The following SYCE1L variants were observed in gnomAD, a reference collection of about 807,000 sequenced individuals.
SYCE1L encodes synaptonemal complex central element protein 1 like, also known as synaptonemal complex central element protein 1-like.
Under a neutral mutation model 39.6 loss-of-function variants are expected in SYCE1L, and 51 were observed. That is an observed-to-expected ratio of 1.29 (90% CI 1.03 to 1.63). The LOEUF (loss-of-function observed/expected upper bound fraction) is 1.63. Ranked by LOEUF, SYCE1L falls within the 40% of genes most tolerant of loss-of-function variation. The pLI is 0.00. For missense variants in SYCE1L, 426 were observed against 304.9 expected (o/e 1.40, Z -2.96); for synonymous variants, 147 against 122.4 (o/e 1.20, Z -1.33).
chr16:77,199,756 C>T (rs1300748756), intron 1 of SYCE1L: 3 of 434,012 alleles, frequency 6.9e-6, no homozygotes, highest in African/African-American at 6.1e-5. Flanking sequence ...TGAAAGTAAA[C>T]AACATGTAGT....
chr16:77,212,001 T>A lies in SYCE1L; in HGVS notation c.424-129T>A, dbSNP rs1350001343. The A allele has an allele frequency of 2.8e-6, 3 of 1,074,970 alleles. No individual in the cohort carries two copies. The East Asian group carries it at 8.3e-5, about 30-fold the overall frequency. The allele number at this position is 1,074,970 out of a possible 1,614,324, so 66.6% of individuals were successfully genotyped here. A position where few individuals can be genotyped will look rare whatever the true frequency, so the allele number is the denominator to read the frequency against. On this transcript the variant is annotated intron_variant, in intron 7 of 10. Transcript: ENST00000378644. Reference sequence around the variant, plus strand: ...GCCACAGCAGGAACTGCACATTGAGTTAATAAATAGTTGAATGAATGAATG... The same window carrying A: ...GCCACAGCAGGAACTGCACATTGAGATAATAAATAGTTGAATGAATGAATG...
chr16:77,200,353 G>A (rs1163316281), intron 1 of SYCE1L: 2 of 150,196 alleles, frequency 1.3e-5, no homozygotes, highest in Non-Finnish European at 3.0e-5. Context: ...TCAGGAAGCT[G>A]AGGCAGGAGA....
intron 3 of SYCE1L, 57 bp from the exon 4 acceptor site, chr16:77,208,408 A>G: frequency 6.5e-7 from 1 of 1,548,950 alleles, no homozygotes. Context: ...TATTTGCGAG[A>G]GAACAGCAAG....
At chr16:77,208,074 G>A (rs1242580355) in intron 2 of SYCE1L, 136 bp from the exon 3 acceptor site, 1 of 847,028 alleles carries the variant, frequency 1.2e-6, no homozygotes, top group Non-Finnish European at 1.8e-6. Context: ...AAGGGGCTCT[G>A]GCAGAGCTCA....
chr16:77,202,870 T>C (rs2054756425), intron 1 of SYCE1L, among the ~76,000 whole-genome samples: 1 of 126,224 alleles, frequency 7.9e-6, no homozygotes, highest in African/African-American at 2.5e-5. Flanking sequence ...TTAATCATAA[T>C]ATCCTCTCTA....
chr16:77,201,614 A>G (rs1245978674), intron 1 of SYCE1L: 2 of 152,186 alleles, frequency 1.3e-5, no homozygotes, highest in East Asian at 3.9e-4. Flanking sequence ...ATGTAATCAA[A>G]GGAGAATACG....
intron 7 of SYCE1L, 25 bp downstream of exon 7, chr16:77,211,301 C>T: frequency 6.4e-7 from 1 of 1,551,788 alleles, no homozygotes. Flanking sequence ...TTGCCTGCAA[C>T]CAAAGCCACT....
intron 4 of SYCE1L, among the ~76,000 whole-genome samples, chr16:77,208,748 C>T (rs1008936202): frequency 2.0e-5 from 3 of 152,186 alleles, no homozygotes; most frequent in Non-Finnish European, 2.9e-5. Flanking sequence ...AATAGAATCC[C>T]GCCCTCTCTT....
intron 6 of SYCE1L, 24 bp downstream of exon 6, chr16:77,209,495 T>G (rs757471146): frequency 2.4e-5 from 38 of 1,551,498 alleles, no homozygotes; most frequent in Non-Finnish European, 3.3e-5. Flanking sequence ...CCTCAGCTCT[T>G]CCCTACCTCA....
At chr16:77,202,011 G>C (rs187150885) in intron 1 of SYCE1L, 1 of 152,140 alleles carries the variant, frequency 6.6e-6, no homozygotes, top group Non-Finnish European at 1.5e-5. Context: ...TTTGGATTTT[G>C]GGAGTAGTGC....
At chr16:77,205,651 C>T (rs936571076) in intron 1 of SYCE1L, among the ~76,000 whole-genome samples, 10 of 152,044 alleles carry the variant, frequency 6.6e-5, no homozygotes, top group Non-Finnish European at 1.5e-4. Context: ...TGATGTTGAG[C>T]ACATCCCCAG....
intron 6 of SYCE1L, among the ~76,000 whole-genome samples, chr16:77,210,705 G>C (rs896799658): frequency 5.9e-5 from 9 of 152,116 alleles, no homozygotes; most frequent in African/African-American, 1.7e-4. Flanking sequence ...TTCTTGGGAA[G>C]GCAGAGTTCA....
intron 5 of SYCE1L, 124 bp from the exon 6 acceptor site, chr16:77,209,293 T>G: frequency 1.5e-6 from 2 of 1,351,510 alleles, no homozygotes; most frequent in Non-Finnish European, 2.1e-6. Flanking sequence ...CTACATCACT[T>G]GGAGTAAACA....
chr16:77,206,367 G>T, intron 1 of SYCE1L, 74 bp from the exon 2 acceptor site: 1 of 1,382,756 alleles, frequency 7.2e-7, no homozygotes, highest in South Asian at 1.3e-5. Flanking sequence ...AGAGCCCACT[G>T]GGACTTCCTG....
In SYCE1L at chr16:77,206,512, C is replaced by G. The variant is rs1567425843; in HGVS notation, c.121+12C>G. ...AAAGCTGCAGAAAGGTCATGTGTCT[C>G]TTTGTTTCTGAGCCTCAGCCTGGGG... is the stretch of plus-strand genomic sequence containing the variant. On this transcript the variant is annotated intron_variant, in intron 2 of 10. Coordinates refer to ENST00000378644, the MANE Select transcript of SYCE1L (RefSeq NM_001129979.3). 5.2e-6 allele frequency: 8 copies of G among 1,551,686 alleles called. No homozygotes were observed. Among genetic ancestry groups the G allele is most frequent in the Non-Finnish European group, 7.0e-6 (8 of 1,146,948 alleles).
chr16:77,208,669 C>T (rs931298336), intron 4 of SYCE1L, 130 bp downstream of exon 4: 1 of 881,598 alleles, frequency 1.1e-6, no homozygotes, highest in African/African-American at 1.7e-5. Flanking sequence ...CTTTCACTGT[C>T]TCATGTCATC....
At chr16:77,208,320 G>A in intron 3 of SYCE1L, 51 bp downstream of exon 3, 1 of 1,546,782 alleles carries the variant, frequency 6.5e-7, no homozygotes, top group Non-Finnish European at 8.7e-7. Flanking sequence ...GAAGTGACTG[G>A]ATTTATAATG....
chr16:77,202,065 C>A (rs1359647015), intron 1 of SYCE1L: 1 of 151,894 alleles, frequency 6.6e-6, no homozygotes. Context: ...ATTTTTTCTT[C>A]TAGAAAAATG....
chr16:77,209,643 AAGATT>A (rs1271827607), intron 6 of SYCE1L, among the ~76,000 whole-genome samples, 172 bp downstream of exon 6: 4 of 151,618 alleles, frequency 2.6e-5, no homozygotes, highest in African/African-American at 4.9e-5. Flanking sequence ...TGGTCGTGTT[AAGATT>A]AATTTACTCA....
Sources: gnomAD v4.1 joint callset for allele counts (sites outside exome capture counted in the v4.1 genomes callset) on GRCh38, gnomAD v4.1.1 for gene constraint, MANE v1.5 for transcripts, NCBI Gene and HGNC (gene_info 2026-07-23, HGNC 2026-07-21) for gene names.